The following ZNF600 variants were observed in gnomAD, a reference collection of about 807,000 sequenced individuals.
The protein encoded by ZNF600 is zinc finger protein KR-ZNF1.
Under a neutral mutation model 7.3 loss-of-function variants are expected in ZNF600, and 4 were observed. The ratio of observed to expected loss-of-function variants is 0.55; its 90% CI spans 0.27 to 1.25. The LOEUF (loss-of-function observed/expected upper bound fraction) is 1.25. Among genes scored for constraint, ZNF600 ranks in the 50% most tolerant of loss-of-function variants. The pLI is 0.12. For missense variants in ZNF600, 911 were observed against 922.1 expected (o/e 0.99, Z 0.16); for synonymous variants, 290 against 308.9 (o/e 0.94, Z 0.64).
At chr19:52,803,461 CAATT>C in the ZNF600 span, among the ~76,000 whole-genome samples, 2 of 152,062 alleles carry the variant, frequency 1.3e-5, no homozygotes, top group Non-Finnish European at 2.9e-5. Context: ...TCATAAAAAT[CAATT>C]AATCAAATAT....
In ZNF600 at chr19:52,767,786, A is replaced by G; in HGVS notation, c.191-14T>C. 2 of 1,542,038 alleles carry G rather than the reference A, an allele frequency of 1.3e-6. No homozygotes were observed. Among genetic ancestry groups the G allele is most frequent in the Non-Finnish European group, 1.7e-6 (2 of 1,149,160 alleles). Reference sequence around the variant, plus strand: ...TGGAAGAGATATCTACAAAATATAAACAACAATAGGTTTCCAATTAAGTAC... The same window carrying G: ...TGGAAGAGATATCTACAAAATATAAGCAACAATAGGTTTCCAATTAAGTAC... On this transcript the variant is annotated splice_polypyrimidine_tract_variant and intron_variant, in intron 3 of 3. Transcript: ENST00000648973.
At chr19:52,807,629 C>A in the ZNF600 span, among the ~76,000 whole-genome samples, 62 of 152,300 alleles carry the variant, frequency 4.1e-4, no homozygotes, top group African/African-American at 1.5e-3. Context: ...TATGCATCAC[C>A]ATGCCCGGCT....
At chr19:52,768,513 C>T (rs1254948328) in intron 3 of ZNF600, among the ~76,000 whole-genome samples, 5 of 151,450 alleles carry the variant, frequency 3.3e-5, no homozygotes, top group Non-Finnish European at 1.5e-5. Flanking sequence ...TACCTATATC[C>T]ACACAGGACA....
At chr19:52,801,214 T>G in the ZNF600 span, 1 of 1,614,158 alleles carries the variant, frequency 6.2e-7, no homozygotes, top group Non-Finnish European at 8.5e-7. Context: ...GATTTTTCTC[T>G]CATGTGTACA....
chr19:52,786,481 C>T, intron 1 of ZNF600, 114 bp downstream of exon 1: 1 of 152,566 alleles, frequency 6.6e-6, no homozygotes, highest in Non-Finnish European at 1.5e-5. Context: ...ATGTTTTGAG[C>T]AGGAAAAATA....
chr19:52,813,977 A>G, the ZNF600 span, among the ~76,000 whole-genome samples: 6,600 of 146,064 alleles, frequency 0.045, 1,383 homozygotes, highest in African/African-American at 0.17. Flanking sequence ...TTTTTTTAAT[A>G]TGTGTCATGA....
At chr19:52,815,008 A>G in the ZNF600 span, among the ~76,000 whole-genome samples, 1 of 145,934 alleles carries the variant, frequency 6.9e-6, no homozygotes, top group Non-Finnish European at 1.5e-5. Flanking sequence ...TTAATAACAA[A>G]GTGGTCATTT....
the ZNF600 span, among the ~76,000 whole-genome samples, chr19:52,808,284 A>G: frequency 6.6e-6 from 1 of 152,212 alleles, no homozygotes; most frequent in Non-Finnish European, 1.5e-5. Flanking sequence ...TGTTTTTATT[A>G]TACTTTTTGA....
the ZNF600 span, among the ~76,000 whole-genome samples, chr19:52,806,719 T>C: frequency 6.6e-6 from 1 of 151,806 alleles, no homozygotes; most frequent in Non-Finnish European, 1.5e-5. Flanking sequence ...CTGGCCAACA[T>C]GGTGAAACAC....
At chr19:52,765,526 A>T in exon 4 of ZNF600, 1 of 1,609,840 alleles carries the variant, frequency 6.2e-7, no homozygotes, top group Admixed American at 1.7e-5. Context: ...TATTCATTAT[A>T]GATTCTCCAA....
chr19:52,830,535 A>G, the ZNF600 span, among the ~76,000 whole-genome samples: 78,419 of 150,878 alleles, frequency 0.52, 21,749 homozygotes, highest in Non-Finnish European at 0.63. Context: ...GGATACAAGG[A>G]CTGAGCTGGG....
At chr19:52,811,774 C>T in the ZNF600 span, among the ~76,000 whole-genome samples, 1 of 148,286 alleles carries the variant, frequency 6.7e-6, no homozygotes, top group South Asian at 2.1e-4. Flanking sequence ...GGGGGTCAGC[C>T]CCCCGCCCGG....
At chr19:52,779,860 T>C (rs1177455527) in intron 1 of ZNF600, among the ~76,000 whole-genome samples, 5 of 152,020 alleles carry the variant, frequency 3.3e-5, no homozygotes, top group East Asian at 1.9e-4. Flanking sequence ...GCCAACATGG[T>C]GAAACCACAT....
intron 2 of ZNF600, among the ~76,000 whole-genome samples, chr19:52,776,671 A>T (rs756846358): frequency 6.6e-6 from 1 of 152,158 alleles, no homozygotes; most frequent in African/African-American, 2.4e-5. Context: ...CAGCCTTCCA[A>T]ATGAAAAATA....
At chr19:52,769,054 TC>T (rs2062611506) in intron 3 of ZNF600, among the ~76,000 whole-genome samples, 1 of 152,162 alleles carries the variant, frequency 6.6e-6, no homozygotes, top group Non-Finnish European at 1.5e-5. Flanking sequence ...GACTCCTTGG[TC>T]TGGCAGTGAT....
the ZNF600 span, chr19:52,801,154 T>C: frequency 3.1e-6 from 5 of 1,614,164 alleles, no homozygotes; most frequent in Non-Finnish European, 4.2e-6. Context: ...TGATGTTTTT[T>C]TAAAAGTGAG....
the ZNF600 span, among the ~76,000 whole-genome samples, chr19:52,806,964 A>G: frequency 3.3e-5 from 5 of 152,176 alleles, no homozygotes; most frequent in African/African-American, 7.2e-5. Flanking sequence ...GCAAAGAAAG[A>G]TATCTTTTCA....
chr19:52,829,216 TTA>T, the ZNF600 span, among the ~76,000 whole-genome samples: 2 of 47,536 alleles, frequency 4.2e-5, no homozygotes, highest in South Asian at 7.3e-4. Context: ...TTATTTTATT[TTA>T]TTTTATTTTA....
chr19:52,793,832 T>G, the ZNF600 span, among the ~76,000 whole-genome samples: 1 of 150,852 alleles, frequency 6.6e-6, no homozygotes, highest in Non-Finnish European at 1.5e-5. Flanking sequence ...GTGATGTATC[T>G]TCTCAGTCAT....
Sources: allele counts gnomAD v4.1 joint callset (sites outside exome capture counted in the v4.1 genomes callset), GRCh38; gene constraint gnomAD v4.1.1; transcripts MANE v1.5; gene names NCBI Gene and HGNC (gene_info 2026-07-23, HGNC 2026-07-21).